Variants in ZSWIM6 observed in about 807,000 individuals in gnomAD.
ZSWIM6 encodes zinc finger SWIM domain-containing protein 6.
In ZSWIM6, 9 loss-of-function variants were observed where a neutral mutation model predicts 113.2. The observed-to-expected ratio is 0.08, with a 90% confidence interval of 0.05 to 0.14. ZSWIM6 has a LOEUF of 0.14. ZSWIM6 is among the 10% of genes least tolerant of loss of function. The pLI, the probability that ZSWIM6 is intolerant of heterozygous loss-of-function variation, is 1.00. For missense variants in ZSWIM6, 1,162 were observed against 1,552.2 expected (o/e 0.75, Z 4.22); for synonymous variants, 611 against 606.5 (o/e 1.01, Z -0.11).
intron 2 of ZSWIM6, among the ~76,000 whole-genome samples, chr5:61,473,294 T>C (rs1747620169): frequency 6.6e-6 from 1 of 152,242 alleles, no homozygotes; most frequent in African/African-American, 2.4e-5. Flanking sequence ...TTTGTCACAT[T>C]TCATCAAGTA....
chr5:61,437,996 C>T (rs1746745641), intron 1 of ZSWIM6, among the ~76,000 whole-genome samples: 1 of 151,972 alleles, frequency 6.6e-6, no homozygotes, highest in South Asian at 2.1e-4. Context: ...TTCTTAAATA[C>T]TGAACACTCT....
chr5:61,417,847 A>G (rs1746286897), intron 1 of ZSWIM6, among the ~76,000 whole-genome samples: 4 of 152,224 alleles, frequency 2.6e-5, no homozygotes, highest in Admixed American at 1.3e-4. Flanking sequence ...TTTGCTTCAT[A>G]AGCAAACTGT....
At chr5:61,379,122 A>C (rs1260612363) in intron 1 of ZSWIM6, among the ~76,000 whole-genome samples, 2 of 142,932 alleles carry the variant, frequency 1.4e-5, no homozygotes, top group Admixed American at 1.4e-4. Context: ...CAAAAGCTGC[A>C]GTGAGCTACT....
intron 1 of ZSWIM6, among the ~76,000 whole-genome samples, chr5:61,378,801 C>G (rs1745422138): frequency 6.6e-6 from 1 of 152,088 alleles, no homozygotes; most frequent in African/African-American, 2.4e-5. Context: ...GGTGATCTGC[C>G]CACCTCGGCC....
intron 4 of ZSWIM6, 123 bp downstream of exon 4, chr5:61,494,533 C>T: frequency 7.9e-7 from 1 of 1,266,522 alleles, no homozygotes; most frequent in Non-Finnish European, 1.1e-6. Context: ...GAACGTGTTG[C>T]CAATATATAG....
intron 1 of ZSWIM6, among the ~76,000 whole-genome samples, chr5:61,445,118 A>G (rs1429817696): frequency 6.6e-6 from 1 of 152,246 alleles, no homozygotes; most frequent in East Asian, 1.9e-4. Flanking sequence ...CTCATTGCAT[A>G]TGTCTAATTG....
chr5:61,380,232 C>T (rs989271648), intron 1 of ZSWIM6, among the ~76,000 whole-genome samples: 9 of 152,200 alleles, frequency 5.9e-5, no homozygotes, highest in South Asian at 2.1e-4. Flanking sequence ...CCCGCCACCA[C>T]GCCCAGCTAA....
chr5:61,498,121 G>A (rs377112182), intron 4 of ZSWIM6, among the ~76,000 whole-genome samples: 15 of 152,284 alleles, frequency 9.9e-5, no homozygotes, highest in African/African-American at 3.6e-4. Flanking sequence ...GTGGCTGCCA[G>A]TCTATTAAAA....
intron 2 of ZSWIM6, among the ~76,000 whole-genome samples, chr5:61,481,320 C>T (rs945483094): frequency 2.0e-5 from 3 of 152,092 alleles, no homozygotes; most frequent in Admixed American, 6.5e-5. Flanking sequence ...TATCTAACAC[C>T]TATAAGTAAC....
chr5:61,506,945 T>C (rs756623263), intron 4 of ZSWIM6, among the ~76,000 whole-genome samples: 4 of 152,214 alleles, frequency 2.6e-5, no homozygotes, highest in African/African-American at 7.2e-5. Flanking sequence ...TACTTCATAA[T>C]GATAAACATA....
intron 1 of ZSWIM6, among the ~76,000 whole-genome samples, chr5:61,465,398 T>A (rs1360248495): frequency 6.6e-6 from 1 of 151,846 alleles, no homozygotes. Context: ...CTTCAGGATT[T>A]GGTATGACGG....
Position 61,434,330 on chromosome 5 carries a change from G to A in ZSWIM6, c.677-38351G>A, listed in dbSNP as rs1301128492. Among the ~76,000 whole-genome samples, 11 of 151,728 alleles carry A rather than the reference G, an allele frequency of 7.2e-5. No homozygotes were observed. The South Asian group carries it at 1.9e-3, about 26-fold the overall frequency. On this transcript the variant is annotated intron_variant, in intron 1 of 13. Transcript: ENST00000252744. ...TTATTTCAATAGTTTTTGGGGAACA[G>A]GTGGTTTTTGGTTACATGGAGAAGT...
chr5:61,456,504 C>T lies in ZSWIM6; in HGVS notation c.677-16177C>T, dbSNP rs577782941. On this transcript the variant is annotated intron_variant, in intron 1 of 13. Transcript: ENST00000252744. The stretch of plus-strand genomic sequence containing the variant: ...TATTCTTAGAGTAACTGCAGATGTC[C>T]CCAGCTAGTTTATAAGTGGTCCAGG... Among the ~76,000 whole-genome samples the T allele has an allele frequency of 9.9e-5, 15 of 152,278 alleles. No homozygotes were observed. In the South Asian group the frequency reaches 2.5e-3, roughly 25 times the overall value.
At chr5:61,433,591 G>A (rs543977243) in intron 1 of ZSWIM6, among the ~76,000 whole-genome samples, 1 of 151,540 alleles carries the variant, frequency 6.6e-6, no homozygotes, top group Non-Finnish European at 1.5e-5. Context: ...TCTTGCCTCA[G>A]CCTCCCAGGT....
chr5:61,393,882 G>A (rs1025278037), intron 1 of ZSWIM6, among the ~76,000 whole-genome samples: 5 of 151,976 alleles, frequency 3.3e-5, no homozygotes, highest in African/African-American at 4.8e-5. Context: ...CCAGATATGC[G>A]GCTTTTAATC....
At chr5:61,419,547 A>T (rs1746315560) in intron 1 of ZSWIM6, among the ~76,000 whole-genome samples, 2 of 152,236 alleles carry the variant, frequency 1.3e-5, no homozygotes, top group Admixed American at 1.3e-4. Context: ...GATTTACATT[A>T]ATTATAATTA....
Position 61,396,578 on chromosome 5 carries a change from A to G in ZSWIM6, c.676+63630A>G, listed in dbSNP as rs117160234. On this transcript the variant is annotated intron_variant, in intron 1 of 13. Transcript: ENST00000252744. ...ATTGAATGTTTTCATTCAAATGTGAATACAACATTGTATTTAACTTGGAAA... is the reference window on the plus strand; with the variant it reads ...ATTGAATGTTTTCATTCAAATGTGAGTACAACATTGTATTTAACTTGGAAA... Among the ~76,000 whole-genome samples the G allele has an allele frequency of 3.8e-4, 58 of 152,044 alleles. 1 individual carries two copies. The East Asian group carries it at 9.7e-3, about 25-fold the overall frequency.
At chr5:61,391,088 CAG>C in intron 1 of ZSWIM6, 1 of 740,840 alleles carries the variant, frequency 1.3e-6, no homozygotes, top group East Asian at 2.5e-5. Context: ...GGTAAGGCCA[CAG>C]GGGCAGGATG....
intron 1 of ZSWIM6, among the ~76,000 whole-genome samples, chr5:61,439,335 TA>T (rs1212469293): frequency 1.3e-5 from 2 of 151,202 alleles, no homozygotes; most frequent in Non-Finnish European, 3.0e-5. Flanking sequence ...CAAAAATGAA[TA>T]AAATCAATCT....
Sources: gnomAD v4.1 joint callset for allele counts (sites outside exome capture counted in the v4.1 genomes callset) on GRCh38, gnomAD v4.1.1 for gene constraint, MANE v1.5 for transcripts, NCBI Gene and HGNC (gene_info 2026-07-23, HGNC 2026-07-21) for gene names.